CDH12: variants seen among roughly 807,000 people sequenced by gnomAD.
CDH12 encodes the protein cadherin 12.
CDH12 carries 41 observed loss-of-function variants against 74.1 expected under a neutral mutation model. The ratio of observed to expected loss-of-function variants is 0.55; its 90% CI spans 0.43 to 0.72. The LOEUF is 0.72. Among genes scored for constraint, CDH12 ranks in the 30% least tolerant of loss-of-function variants. The probability of loss-of-function intolerance (pLI) is 0.00; values close to 1 mark genes in which losing one functional copy is unlikely to be tolerated. For synonymous variants in CDH12, 399 were observed against 355.0 expected, an observed-to-expected ratio of 1.12 and a Z score of -1.39; for missense variants, 945 against 977.2, an observed-to-expected ratio of 0.97 and a Z score of 0.44.
chr5:22,366,917 C>T (rs1312817491), intron 3 of CDH12, among the ~76,000 whole-genome samples: 4 of 152,174 alleles, frequency 2.6e-5, no homozygotes, highest in Non-Finnish European at 2.9e-5. Flanking sequence ...AAGTGCTTGA[C>T]TTTCCTAACC....
intron 1 of CDH12, among the ~76,000 whole-genome samples, chr5:22,709,220 A>G (rs1561593323): frequency 1.3e-5 from 2 of 152,208 alleles, no homozygotes; most frequent in Non-Finnish European, 2.9e-5. Context: ...CAAAAAATAT[A>G]GGAAATTGTA....
intron 3 of CDH12, among the ~76,000 whole-genome samples, chr5:22,385,776 C>T (rs529281874): frequency 6.6e-6 from 1 of 151,808 alleles, no homozygotes; most frequent in African/African-American, 2.4e-5. Context: ...GTACAAGAAG[C>T]ATGACTGGGG....
intron 1 of CDH12, among the ~76,000 whole-genome samples, chr5:22,588,497 T>G (rs1434227413): frequency 6.6e-6 from 1 of 152,166 alleles, no homozygotes; most frequent in East Asian, 1.9e-4. Context: ...GATCTGGGCC[T>G]GAGGTACTGG....
chr5:22,327,191 C>T (rs1440934917), intron 3 of CDH12, among the ~76,000 whole-genome samples: 2 of 151,826 alleles, frequency 1.3e-5, no homozygotes, highest in African/African-American at 2.4e-5. Flanking sequence ...TGGCTTTGTC[C>T]CCACACTCGA....
intron 5 of CDH12, among the ~76,000 whole-genome samples, chr5:22,047,668 C>T (rs1168798913): frequency 6.6e-6 from 1 of 152,080 alleles, no homozygotes; most frequent in African/African-American, 2.4e-5. Context: ...TTTTTACCTA[C>T]CTCCTATGCA....
At position 21,751,938 on chromosome 5, in the gene CDH12, T is replaced by G; in HGVS notation, c.2184A>C (p.Pro728=). The change falls in exon 15 of 15, where the codon CCA becomes CCC. Residue 728 remains proline (P), a synonymous_variant. Transcript: ENST00000382254. The part of the protein sequence containing the change: ...HQRLQENDVD[P]TAPPYDSLAT... ...CCAGTGAATCGTATGGTGGGGCAGT[T>G]GGATCCACATCATTTTCCTGTAGCC... The G allele has an allele frequency of 6.2e-7, 1 of 1,614,038 alleles. No individual in the cohort carries two copies. Among genetic ancestry groups the G allele is most frequent in the Non-Finnish European group, 8.5e-7 (1 of 1,179,964 alleles).
At chr5:21,877,973 A>T (rs1158110007) in intron 6 of CDH12, among the ~76,000 whole-genome samples, 3 of 152,224 alleles carry the variant, frequency 2.0e-5, no homozygotes, top group African/African-American at 7.2e-5. Context: ...AGTGAACTTG[A>T]TACTGATTAT....
intron 5 of CDH12, among the ~76,000 whole-genome samples, chr5:21,979,462 T>G (rs2150125993): frequency 6.6e-6 from 1 of 152,298 alleles, no homozygotes; most frequent in East Asian, 1.9e-4. Flanking sequence ...TGCTCCAGCT[T>G]CAGAATGTAA....
chr5:22,584,625 G>C (rs1740286633), intron 1 of CDH12, among the ~76,000 whole-genome samples: 1 of 152,020 alleles, frequency 6.6e-6, no homozygotes, highest in South Asian at 2.1e-4. Flanking sequence ...TATATTTCTA[G>C]AAATAGTAAT....
rs75638912 is a variant in CDH12, at chr5:22,552,817, T to C, written c.-522-47453A>G. On this transcript the variant is annotated intron_variant, in intron 1 of 14. Transcript: ENST00000382254. The stretch of plus-strand genomic sequence containing the variant: ...CGTAGTTTTATGTCTATGGATTTTT[T>C]ATCCCAATGGATTCTGGCACACATG... Among the ~76,000 whole-genome samples, 857 of 152,282 alleles carry C rather than the reference T, an allele frequency of 5.6e-3. 4 individuals are homozygous for C. The highest frequency in any genetic ancestry group is 0.02 in the African/African-American group (827 of 41,542).
At chr5:22,557,860 C>A (rs1235928163) in intron 1 of CDH12, among the ~76,000 whole-genome samples, 4 of 152,046 alleles carry the variant, frequency 2.6e-5, no homozygotes, top group Admixed American at 2.0e-4. Context: ...GAAACATAGA[C>A]TTACTTGGTA....
chr5:21,929,144 C>T (rs139119674), intron 6 of CDH12, among the ~76,000 whole-genome samples: 336 of 152,058 alleles, frequency 2.2e-3, no homozygotes, highest in Non-Finnish European at 3.5e-3. Flanking sequence ...TCTATATCAG[C>T]GGTCCCCAAC....
At chr5:22,458,664 A>G (rs1745385953) in intron 2 of CDH12, among the ~76,000 whole-genome samples, 1 of 152,196 alleles carries the variant, frequency 6.6e-6, no homozygotes, top group Non-Finnish European at 1.5e-5. Context: ...TGCTTTCCAA[A>G]TTTAATATTT....
At chr5:21,760,417 G>T in intron 13 of CDH12, 141 bp downstream of exon 13, 1 of 617,096 alleles carries the variant, frequency 1.6e-6, no homozygotes, top group East Asian at 2.7e-5. Context: ...TTTACTACTA[G>T]GTACAGAATA....
chr5:22,607,073 G>A lies in CDH12; in HGVS notation c.-522-101709C>T, dbSNP rs184595016. ...TTGAACTTGAGAGAGATAATTTAGT[G>A]TATCTGATGAAAGAAATTTCTAAGC... On this transcript the variant is annotated intron_variant, in intron 1 of 14. Transcript: ENST00000382254. Among the ~76,000 whole-genome samples the A allele has an allele frequency of 9.0e-4, 137 of 152,266 alleles. 1 individual carries two copies. The highest frequency in any genetic ancestry group is 1.8e-3 in the Admixed American group (28 of 15,296).
intron 1 of CDH12, among the ~76,000 whole-genome samples, chr5:22,695,480 G>C (rs1580895982): frequency 6.6e-6 from 1 of 152,264 alleles, no homozygotes; most frequent in East Asian, 1.9e-4. Flanking sequence ...ACAATCATCT[G>C]ATCTTCAACA....
chr5:22,754,147 A>T (rs1278532759), intron 1 of CDH12, among the ~76,000 whole-genome samples: 1 of 152,222 alleles, frequency 6.6e-6, no homozygotes, highest in Non-Finnish European at 1.5e-5. Context: ...AACCTAAACA[A>T]CGAACATCAT....
chr5:22,498,659 T>C (rs1747203711), intron 2 of CDH12, among the ~76,000 whole-genome samples: 1 of 151,968 alleles, frequency 6.6e-6, no homozygotes, highest in Non-Finnish European at 1.5e-5. Context: ...TGATATATAA[T>C]ATTATTTCTC....
chr5:22,267,497 T>C (rs1175229704), intron 3 of CDH12, among the ~76,000 whole-genome samples: 2 of 152,212 alleles, frequency 1.3e-5, no homozygotes, highest in Admixed American at 1.3e-4. Flanking sequence ...AATATCTCAT[T>C]GCAGACATTT....
Sources: allele counts gnomAD v4.1 joint callset (sites outside exome capture counted in the v4.1 genomes callset), GRCh38; gene constraint gnomAD v4.1.1; transcripts MANE v1.5; gene names NCBI Gene and HGNC (gene_info 2026-07-23, HGNC 2026-07-21).